Variants in SOX6 observed in about 807,000 individuals in gnomAD.
SOX6 encodes SRY-box transcription factor 6, also known as transcription factor SOX-6.
A neutral mutation model predicts 97.8 loss-of-function variants in SOX6; 11 were observed. That is an observed-to-expected ratio of 0.11 (90% confidence interval 0.07 to 0.19). SOX6 has a LOEUF of 0.19. Among genes scored for constraint, SOX6 ranks in the 10% least tolerant of loss-of-function variants. SOX6 has a pLI of 1.00. For missense variants in SOX6, 810 were observed against 1,039.5 expected (o/e 0.78, Z 3.04); for synonymous variants, 360 against 371.4 (o/e 0.97, Z 0.35).
At chr11:16,238,689 T>C (rs1350304856) in intron 3 of SOX6, among the ~76,000 whole-genome samples, 1 of 152,128 alleles carries the variant, frequency 6.6e-6, no homozygotes, top group African/African-American at 2.4e-5. Flanking sequence ...GAGGAAGAGA[T>C]AATGTGACAA....
intron 9 of SOX6, among the ~76,000 whole-genome samples, chr11:16,066,155 T>C (rs796911386): frequency 6.6e-6 from 1 of 152,166 alleles, no homozygotes; most frequent in Non-Finnish European, 1.5e-5. Flanking sequence ...AACAGGCATA[T>C]GAAAAGTTGC....
chr11:16,144,876 A>G (rs1427939715), intron 6 of SOX6, among the ~76,000 whole-genome samples: 2 of 152,204 alleles, frequency 1.3e-5, no homozygotes, highest in Non-Finnish European at 2.9e-5. Flanking sequence ...CCAATCAAAA[A>G]AAGTCCAGGA....
At chr11:16,375,756 T>A (rs1857625850) in intron 1 of SOX6, among the ~76,000 whole-genome samples, 1 of 152,124 alleles carries the variant, frequency 6.6e-6, no homozygotes, top group East Asian at 1.9e-4. Context: ...GCAGCACTAT[T>A]CACAATAGCA....
intron 4 of SOX6, among the ~76,000 whole-genome samples, chr11:16,567,937 T>C (rs1847893488): frequency 6.6e-6 from 1 of 151,840 alleles, no homozygotes; most frequent in Admixed American, 6.6e-5. Context: ...AATGATTGCT[T>C]AATGATACCA....
chr11:16,521,065 G>A (rs1040190616), intron 4 of SOX6, among the ~76,000 whole-genome samples: 10 of 152,308 alleles, frequency 6.6e-5, no homozygotes, highest in South Asian at 4.1e-4. Flanking sequence ...ACCGACAAAC[G>A]AAAAGACAGC....
intron 1 of SOX6, among the ~76,000 whole-genome samples, chr11:16,428,443 G>A (rs1278289686): frequency 2.0e-5 from 3 of 152,116 alleles, no homozygotes; most frequent in Admixed American, 2.0e-4. Flanking sequence ...TTCTTCTAGG[G>A]TTTTTATGGT....
intron 2 of SOX6, among the ~76,000 whole-genome samples, chr11:16,327,013 C>T (rs1308209539): frequency 4.6e-5 from 7 of 152,166 alleles, no homozygotes; most frequent in Admixed American, 3.9e-4. Flanking sequence ...GATAGTGAAA[C>T]TTCTTTCTTA....
intron 5 of SOX6, 119 bp downstream of exon 5, chr11:16,186,664 C>G (rs1002637320): frequency 2.2e-5 from 26 of 1,196,020 alleles, no homozygotes; most frequent in Admixed American, 6.7e-5. Context: ...TCCATCTTTT[C>G]TTATTTTTAT....
At chr11:16,323,031 A>T (rs1855972276) in intron 2 of SOX6, among the ~76,000 whole-genome samples, 1 of 152,126 alleles carries the variant, frequency 6.6e-6, no homozygotes, top group Non-Finnish European at 1.5e-5. Flanking sequence ...ATTCAAAGGA[A>T]ATGTACTATA....
At chr11:16,142,006 T>C (rs1015501343) in intron 6 of SOX6, among the ~76,000 whole-genome samples, 7 of 152,122 alleles carry the variant, frequency 4.6e-5, no homozygotes, top group African/African-American at 1.2e-4. Context: ...AAGAGAGTAG[T>C]GGTTCTCCCA....
rs1019595584 is a variant in SOX6, at chr11:15,966,644, C to A, written c.*6165G>T. ...TATCACCCAAAGATGGCATGTTGAA[C>A]ATATCAGGAAAGCACCTTGTGCAAA... On this transcript the variant is annotated 3_prime_UTR_variant, in exon 16 of 16. Coordinates refer to ENST00000683767, the MANE Select transcript of SOX6 (RefSeq NM_001367873.1). The A allele has an allele frequency of 2.0e-5, 3 of 151,656 alleles. 1 individual carries two copies. In the Middle Eastern group the frequency reaches 0.01, roughly 519 times the overall value. 9.4% of individuals were successfully genotyped at this position (151,656 alleles called of 1,614,324 possible). A position where few individuals can be genotyped will look rare whatever the true frequency, so the allele number is the denominator to read the frequency against.
chr11:16,593,066 A>G (rs1169304497), intron 4 of SOX6, among the ~76,000 whole-genome samples: 1 of 152,218 alleles, frequency 6.6e-6, no homozygotes, highest in Non-Finnish European at 1.5e-5. Context: ...AATAGGTTAA[A>G]GAAATAAAAG....
chr11:16,288,638 C>T (rs565325409), intron 3 of SOX6, among the ~76,000 whole-genome samples: 2 of 152,028 alleles, frequency 1.3e-5, no homozygotes, highest in South Asian at 4.1e-4. Flanking sequence ...TGGGGACATG[C>T]TATTAATATA....
chr11:16,356,233 A>G lies in SOX6; in HGVS notation c.-144T>C, dbSNP rs972535832. Reference sequence around the variant, plus strand: ...TGACTGCCAACCAAAAAAAAAAAAAACCCAACCCCACAGCTAATTAATCTC... The same window carrying G: ...TGACTGCCAACCAAAAAAAAAAAAAGCCCAACCCCACAGCTAATTAATCTC... On this transcript the variant is annotated 5_prime_UTR_variant, in exon 1 of 16. Coordinates refer to ENST00000683767, the MANE Select transcript of SOX6 (RefSeq NM_001367873.1). 6.6e-6 allele frequency among the ~76,000 whole-genome samples: 1 copy of G among 151,638 alleles called. No homozygotes were observed.
intron 4 of SOX6, among the ~76,000 whole-genome samples, chr11:16,504,422 TG>T (rs1172689362): frequency 6.6e-6 from 1 of 152,092 alleles, no homozygotes; most frequent in Non-Finnish European, 1.5e-5. Context: ...TATAAAAATC[TG>T]AAGTAATTCT....
At chr11:16,583,105 T>C (rs1005015197) in intron 4 of SOX6, among the ~76,000 whole-genome samples, 1 of 152,068 alleles carries the variant, frequency 6.6e-6, no homozygotes. Context: ...ATGCCTTAGA[T>C]AATGCTTGGC....
intron 6 of SOX6, among the ~76,000 whole-genome samples, chr11:16,118,630 T>C: frequency 6.6e-6 from 1 of 152,326 alleles, no homozygotes; most frequent in Middle Eastern, 3.4e-3. Context: ...GATATGACTC[T>C]GAATACTTGA....
chr11:16,710,929 T>C (rs2134047502), intron 3 of SOX6, among the ~76,000 whole-genome samples: 1 of 152,276 alleles, frequency 6.6e-6, no homozygotes, highest in Middle Eastern at 3.4e-3. Flanking sequence ...CTCCTCCCAT[T>C]TGGGTAAACA....
intron 1 of SOX6, among the ~76,000 whole-genome samples, chr11:16,348,046 AG>A (rs576167447): frequency 2.8e-3 from 425 of 151,696 alleles, no homozygotes; most frequent in Non-Finnish European, 4.8e-3. Flanking sequence ...GTAGAAAGGG[AG>A]GGGAAGAGGA....
Sources: allele counts gnomAD v4.1 joint callset (sites outside exome capture counted in the v4.1 genomes callset), GRCh38; gene constraint gnomAD v4.1.1; transcripts MANE v1.5; gene names NCBI Gene and HGNC (gene_info 2026-07-23, HGNC 2026-07-21).